Variants in PKP4 observed in about 807,000 individuals in gnomAD.
PKP4 encodes plakophilin-4.
Under a neutral mutation model 145.1 loss-of-function variants are expected in PKP4, and 90 were observed. The ratio of observed to expected loss-of-function variants is 0.62; its 90% CI spans 0.52 to 0.74. PKP4 has a LOEUF of 0.74. Among genes scored for constraint, PKP4 ranks in the 30% least tolerant of loss-of-function variants. The pLI is 0.00. For synonymous variants in PKP4, 563 were observed against 577.2 expected, an observed-to-expected ratio of 0.98 and a Z score of 0.35; for missense variants, 1,340 against 1,482.7, an observed-to-expected ratio of 0.90 and a Z score of 1.58.
chr2:158,508,698 A>G (rs1370436530), intron 1 of PKP4, among the ~76,000 whole-genome samples: 1 of 152,238 alleles, frequency 6.6e-6, no homozygotes, highest in Non-Finnish European at 1.5e-5. Context: ...TCTGATGTTC[A>G]AAATTACATA....
chr2:158,618,778 G>A (rs946330059), intron 4 of PKP4, among the ~76,000 whole-genome samples: 3 of 151,500 alleles, frequency 2.0e-5, no homozygotes, highest in African/African-American at 7.3e-5. Context: ...AAAGTGGGTG[G>A]GCAGCTTACA....
chr2:158,675,842 A>G (rs16843194), intron 19 of PKP4, among the ~76,000 whole-genome samples: 8,695 of 152,278 alleles, frequency 0.057, 378 homozygotes, highest in South Asian at 0.11. Context: ...GAAAGCGTCA[A>G]TTTATGCAAA....
chr2:158,534,237 T>C (rs1484399249), intron 2 of PKP4, among the ~76,000 whole-genome samples: 1 of 152,182 alleles, frequency 6.6e-6, no homozygotes, highest in East Asian at 1.9e-4. Context: ...GAGGAAACAT[T>C]TATTACCTTA....
chr2:158,493,100 T>A (rs1695186980), intron 1 of PKP4, among the ~76,000 whole-genome samples: 1 of 152,112 alleles, frequency 6.6e-6, no homozygotes, highest in African/African-American at 2.4e-5. Flanking sequence ...AGTTACTTTG[T>A]CTATTTCTTC....
intron 2 of PKP4, among the ~76,000 whole-genome samples, chr2:158,557,360 A>T (rs552290571): frequency 3.0e-4 from 45 of 152,300 alleles, no homozygotes; most frequent in Non-Finnish European, 6.3e-4. Flanking sequence ...ATTTGACTTT[A>T]TCATAAATTG....
At chr2:158,580,329 T>G (rs573318728) in intron 3 of PKP4, among the ~76,000 whole-genome samples, 1 of 152,314 alleles carries the variant, frequency 6.6e-6, no homozygotes, top group East Asian at 1.9e-4. Flanking sequence ...GGCAAGTGAC[T>G]GTGGCACCAC....
At chr2:158,471,373 T>G (rs1394251486) in intron 1 of PKP4, among the ~76,000 whole-genome samples, 1 of 152,228 alleles carries the variant, frequency 6.6e-6, no homozygotes, top group Non-Finnish European at 1.5e-5. Context: ...ATGAATAGAT[T>G]CCTGGATTAA....
At chr2:158,517,037 A>G (rs1031217767) in intron 1 of PKP4, among the ~76,000 whole-genome samples, 4 of 152,058 alleles carry the variant, frequency 2.6e-5, no homozygotes, top group Admixed American at 6.5e-5. Context: ...CTTTGTTTTT[A>G]TTGCCTCTAG....
intron 4 of PKP4, among the ~76,000 whole-genome samples, chr2:158,618,096 T>C (rs2051822683): frequency 6.6e-6 from 1 of 152,118 alleles, no homozygotes; most frequent in South Asian, 2.1e-4. Context: ...GGCACGAGAA[T>C]CACTTGAGCC....
At chr2:158,630,068 A>C (rs1034998149) in intron 7 of PKP4, among the ~76,000 whole-genome samples, 2 of 143,854 alleles carry the variant, frequency 1.4e-5, no homozygotes, top group Non-Finnish European at 3.2e-5. Flanking sequence ...TTTGTTAATG[A>C]TTTGCTATTT....
At chr2:158,669,147 A>G (rs2106001004) in intron 16 of PKP4, 1 of 152,334 alleles carries the variant, frequency 6.6e-6, no homozygotes, top group Non-Finnish European at 1.5e-5. Flanking sequence ...GTCATCTTTT[A>G]AAGAAACTAA....
At chr2:158,499,272 T>C (rs1696207532) in intron 1 of PKP4, among the ~76,000 whole-genome samples, 1 of 152,106 alleles carries the variant, frequency 6.6e-6, no homozygotes, top group African/African-American at 2.4e-5. Flanking sequence ...GATGGATACA[T>C]TACCTGAGGG....
At chr2:158,571,075 G>A (rs10207606) in intron 2 of PKP4, among the ~76,000 whole-genome samples, 12,463 of 152,192 alleles carry the variant, frequency 0.082, 681 homozygotes, top group Middle Eastern at 0.17. Flanking sequence ...GAATGTGGGG[G>A]CAGGAGTTGA....
chr2:158,558,495 A>T (rs1257201831), intron 2 of PKP4, among the ~76,000 whole-genome samples: 1 of 152,164 alleles, frequency 6.6e-6, no homozygotes, highest in Non-Finnish European at 1.5e-5. Flanking sequence ...ATTTTGAAGG[A>T]TGCAGAAAGG....
intron 19 of PKP4, among the ~76,000 whole-genome samples, chr2:158,675,192 A>G (rs537900755): frequency 1.3e-5 from 2 of 152,308 alleles, no homozygotes; most frequent in East Asian, 3.9e-4. Flanking sequence ...TAGACAAGCA[A>G]AGGATAATTT....
chr2:158,622,699 T>C (rs1029106907), intron 6 of PKP4, among the ~76,000 whole-genome samples: 3 of 152,174 alleles, frequency 2.0e-5, no homozygotes, highest in Admixed American at 6.5e-5. Flanking sequence ...ATATAACATA[T>C]GAATTTTTCA....
chr2:158,615,316 T>C (rs1219573729), intron 4 of PKP4, among the ~76,000 whole-genome samples: 1 of 152,090 alleles, frequency 6.6e-6, no homozygotes, highest in Non-Finnish European at 1.5e-5. Flanking sequence ...CCCTTACTTA[T>C]CCCTTTTTCA....
chr2:158,517,976 A>C (rs772826828), intron 1 of PKP4, among the ~76,000 whole-genome samples: 12 of 152,218 alleles, frequency 7.9e-5, no homozygotes, highest in Non-Finnish European at 1.8e-4. Flanking sequence ...TGAAAAAATA[A>C]GTTTAAAATT....
chr2:158,599,012 G>A lies in PKP4; in HGVS notation c.246-4058G>A, dbSNP rs79099762. 4.5e-3 allele frequency among the ~76,000 whole-genome samples: 688 copies of A among 152,308 alleles called. 1 individual carries two copies. The highest frequency in any genetic ancestry group is 0.015 in the African/African-American group (632 of 41,560). ...GCAAGCAGTTAGAAATGCTTCAGAT[G>A]TAGGTTTGTGTGGGAAAGGGCACAC... On this transcript the variant is annotated intron_variant, in intron 3 of 21. Transcript: ENST00000389759.
Sources: allele counts gnomAD v4.1 joint callset (sites outside exome capture counted in the v4.1 genomes callset), GRCh38; gene constraint gnomAD v4.1.1; transcripts MANE v1.5; gene names NCBI Gene and HGNC (gene_info 2026-07-23, HGNC 2026-07-21).